Variants in OTOG observed in about 807,000 individuals in gnomAD.
OTOG encodes the protein otogelin.
OTOG carries 296 observed loss-of-function variants against 313.8 expected under a neutral mutation model. The ratio of observed to expected loss-of-function variants is 0.94; its 90% confidence interval spans 0.86 to 1.04. The LOEUF (loss-of-function observed/expected upper bound fraction) is 1.04. Ranked by LOEUF, OTOG falls within the 50% of genes least tolerant of loss-of-function variation. The pLI is 0.00. For synonymous variants in OTOG, 1,533 were observed against 1,554.9 expected, an observed-to-expected ratio of 0.99 and a Z score of 0.33; for missense variants, 3,948 against 3,840.1, an observed-to-expected ratio of 1.03 and a Z score of -0.74.
chr11:17,625,463 T>G (rs1437444502), intron 39 of OTOG, among the ~76,000 whole-genome samples: 1 of 152,218 alleles, frequency 6.6e-6, no homozygotes, highest in African/African-American at 2.4e-5. Context: ...TATTTACTGA[T>G]TTGTATATGT....
chr11:17,619,379 T>C (rs1037195732), intron 39 of OTOG, among the ~76,000 whole-genome samples: 6 of 152,244 alleles, frequency 3.9e-5, no homozygotes, highest in African/African-American at 1.4e-4. Context: ...ATTGGGGATG[T>C]TTATACCATT....
In OTOG at chr11:17,591,608, T is replaced by A; in HGVS notation, c.3006+20T>A. On this transcript the variant is annotated intron_variant, in intron 25 of 55. Coordinates refer to ENST00000399397, the MANE Select transcript of OTOG (RefSeq NM_001292063.2). ...GTCAAGGTGAGTTCCCGGATGTTTC[T>A]GCCCAGTTGGCTCCATGCACAGCTG... 1 of 1,550,158 alleles carries A rather than the reference T, an allele frequency of 6.5e-7. No individual in the cohort carries two copies. The highest frequency in any genetic ancestry group is 1.4e-5 in the African/African-American group (1 of 73,190).
In OTOG at chr11:17,573,100, C is replaced by G; in HGVS notation, c.2103C>G (p.Cys701Trp). ...CAGCCTCCTACTCAGTGCAGGCCTG[C>G]AGCGTGCTCACGGGGGAGATGTTTG... ...LQAASYSVQA[C>W]SVLTGEMFAP... The change falls in exon 19 of 56, where the codon TGC becomes TGG. Residue 701 changes from cysteine (C) to tryptophan (W), a missense_variant. Transcript: ENST00000399397. 1 of 1,548,428 alleles carries G rather than the reference C, an allele frequency of 6.5e-7. No homozygotes were observed. Among genetic ancestry groups the G allele is most frequent in the Non-Finnish European group, 8.7e-7 (1 of 1,146,942 alleles).
intron 39 of OTOG, among the ~76,000 whole-genome samples, chr11:17,626,214 C>T (rs1042929510): frequency 3.3e-5 from 5 of 152,170 alleles, no homozygotes; most frequent in African/African-American, 7.2e-5. Context: ...CTCACTCTGT[C>T]GCCCAGGCTG....
At chr11:17,578,724 G>A (rs1852597146) in intron 23 of OTOG, among the ~76,000 whole-genome samples, 198 bp downstream of exon 23, 1 of 152,164 alleles carries the variant, frequency 6.6e-6, no homozygotes, top group South Asian at 2.1e-4. Flanking sequence ...AGTGTGGGCT[G>A]GAGGAGGGAG....
At chr11:17,591,071 T>G (rs1852920761) in intron 24 of OTOG, among the ~76,000 whole-genome samples, 1 of 152,252 alleles carries the variant, frequency 6.6e-6, no homozygotes, top group Admixed American at 6.5e-5. Flanking sequence ...CAGACGGTTT[T>G]CTTTTTGTTT....
Position 17,561,553 on chromosome 11 carries a change from C to T in OTOG, c.1499-109C>T, listed in dbSNP as rs549842758. 5,059 of 1,180,564 alleles carry T rather than the reference C, an allele frequency of 4.3e-3. 22 individuals are homozygous for T. Among genetic ancestry groups the T allele is most frequent in the Non-Finnish European group, 5.3e-3 (4,416 of 825,426 alleles). The allele number at this position is 1,180,564 out of a possible 1,614,324, so 73.1% of individuals were successfully genotyped here. ...GGGCCAGGCCTCATTCCTTATACTGCTCTTATTCTGGAGGGCAGGGTGCTG... is the reference window on the plus strand; with the variant it reads ...GGGCCAGGCCTCATTCCTTATACTGTTCTTATTCTGGAGGGCAGGGTGCTG... On this transcript the variant is annotated intron_variant, in intron 14 of 55. Transcript: ENST00000399397.
At chr11:17,561,582 C>T in intron 14 of OTOG, 80 bp from the exon 15 acceptor site, 1 of 1,442,946 alleles carries the variant, frequency 6.9e-7, no homozygotes, top group Non-Finnish European at 9.5e-7. Flanking sequence ...GGTGCTGTGT[C>T]CTCCTCATAC....
In OTOG at chr11:17,608,406, G is replaced by A. The variant is rs1212438297; in HGVS notation, c.4267G>A (p.Val1423Ile). The part of the protein sequence containing the change: ...RDPRAASCRD[V>I]PRVEGCVPVC... The stretch of plus-strand genomic sequence containing the variant: ...CCCACGGGCAGCCAGCTGCCGGGAC[G>A]TACCCAGGTGAGATGCCAGGGGCTG... The change falls in exon 34 of 56, where the codon GTA becomes ATA. Residue 1423 changes from valine (V) to isoleucine (I), a missense_variant. Physicochemically the swap from Val to Ile is conservative, Grantham distance 29 (BLOSUM62 3). Coordinates refer to ENST00000399397, the MANE Select transcript of OTOG (RefSeq NM_001292063.2). 1.0e-5 allele frequency: 16 copies of A among 1,535,506 alleles called. No homozygotes were observed. Among genetic ancestry groups the A allele is most frequent in the East Asian group, 2.5e-5 (1 of 40,390 alleles).
rs1285333622 is a variant in OTOG, at chr11:17,612,667, A to G, written c.6340A>G (p.Ser2114Gly). Residue 2114 changes from serine to glycine, a missense_variant, in exon 38 of 56, where the codon AGC becomes GGC. Coordinates refer to ENST00000399397, the MANE Select transcript of OTOG (RefSeq NM_001292063.2). ...CCTGAGCTTCGTGACCTTCGATGGG[A>G]GCCACGTAGCTCTGTTCAAGGAGGC... is the stretch of plus-strand genomic sequence containing the variant. ...PDLSFVTFDG[S>G]HVALFKEAIY... 2 of 1,550,358 alleles carry G rather than the reference A, an allele frequency of 1.3e-6. No homozygotes were observed.
rs75928610 is a variant in OTOG at position 17,611,414 on chromosome 11, C to A, written c.6114C>A (p.Thr2038=). ...LATTTEANTS[T]TCVPIAEQDC... ...CTACCACTGAGGCCAATACATCCAC[C>A]ACCTGTGTTGTGAGTGATTTGCCAG... The change falls in exon 36 of 56, where the codon ACC becomes ACA. Residue 2038 remains threonine, a synonymous_variant. Transcript: ENST00000399397. 2 of 1,524,104 alleles carry A rather than the reference C, an allele frequency of 1.3e-6. No individual in the cohort carries two copies. Among genetic ancestry groups the A allele is most frequent in the East Asian group, 4.9e-5 (2 of 40,500 alleles). The allele number at this position is 1,524,104 out of a possible 1,614,324, so 94.4% of individuals were successfully genotyped here. A position where few individuals can be genotyped will look rare whatever the true frequency, so the allele number is the denominator to read the frequency against.
rs572631036 is a variant in OTOG, at chr11:17,561,877, G to A, written c.1644+70G>A. The A allele has an allele frequency of 1.5e-3, 2,295 of 1,529,418 alleles. 6 individuals carry two copies. The highest frequency in any genetic ancestry group is 3.7e-3 in the Middle Eastern group (21 of 5,600). The allele number at this position is 1,529,418 out of a possible 1,614,324, so 94.7% of individuals were successfully genotyped here. A position where few individuals can be genotyped will look rare whatever the true frequency, so the allele number is the denominator to read the frequency against. ...GCCTACTGCCCCCAAGAGAGACTGG[G>A]ACTTAGGACAGGGCTCAGGTCTTCC... On this transcript the variant is annotated intron_variant, in intron 15 of 55. Coordinates refer to ENST00000399397, the MANE Select transcript of OTOG (RefSeq NM_001292063.2).
intron 3 of OTOG, 149 bp downstream of exon 3, chr11:17,548,361 T>G (rs1851855653): frequency 4.0e-6 from 2 of 504,306 alleles, no homozygotes; most frequent in East Asian, 3.4e-5. Flanking sequence ...GTCTGAGGTG[T>G]GCAAGTTCAT....
intron 38 of OTOG, among the ~76,000 whole-genome samples, chr11:17,613,277 CTG>C (rs1403244204): frequency 4.8e-5 from 6 of 125,820 alleles, no homozygotes; most frequent in Non-Finnish European, 1.0e-4. Flanking sequence ...CTCTCTCTGT[CTG>C]TCTTTCTCCT....
chr11:17,562,900 T>A (rs1852219820), intron 15 of OTOG, among the ~76,000 whole-genome samples: 1 of 152,156 alleles, frequency 6.6e-6, no homozygotes, highest in Non-Finnish European at 1.5e-5. Context: ...TAGACATGGC[T>A]CCACCTCCCT....
rs780631894 is a variant in OTOG at position 17,591,567 on chromosome 11, A to G, written c.2985A>G (p.Ala995=). The change falls in exon 25 of 56, where the codon GCA becomes GCG. Residue 995 remains alanine, a synonymous_variant. Transcript: ENST00000399397. The stretch of plus-strand genomic sequence containing the variant: ...GGCTCCCGTTTGACTTCGTGGGGGC[A>G]TGCAAAGTGCACCTGGTCAAGGTGA... ...FDGLPFDFVG[A]CKVHLVKSTS... 1.9e-6 allele frequency: 3 copies of G among 1,550,646 alleles called. No homozygotes were observed. The highest frequency in any genetic ancestry group is 1.2e-5 in the South Asian group (1 of 84,062).
At chr11:17,611,527 C>T (rs1285667018) in intron 36 of OTOG, 104 bp downstream of exon 36, 1 of 1,188,818 alleles carries the variant, frequency 8.4e-7, no homozygotes, top group Non-Finnish European at 1.2e-6. Context: ...CATACCTGCC[C>T]CATGCTCCTG....
intron 51 of OTOG, among the ~76,000 whole-genome samples, chr11:17,641,440 G>A (rs1847969753): frequency 6.6e-6 from 1 of 152,140 alleles, no homozygotes; most frequent in Non-Finnish European, 1.5e-5. Context: ...TACTTAGGAT[G>A]GTGACTGGCT....
At chr11:17,642,477 ACT>A (rs1276988080) in intron 53 of OTOG, among the ~76,000 whole-genome samples, 1 of 152,076 alleles carries the variant, frequency 6.6e-6, no homozygotes, top group Admixed American at 6.5e-5. Context: ...ACAAACACAC[ACT>A]GTTACATGTT....
Sources: allele counts gnomAD v4.1 joint callset (sites outside exome capture counted in the v4.1 genomes callset), GRCh38; gene constraint gnomAD v4.1.1; transcripts MANE v1.5; gene names NCBI Gene and HGNC (gene_info 2026-07-23, HGNC 2026-07-21).